TRHDE: variants seen among roughly 807,000 people sequenced by gnomAD.
TRHDE encodes the protein thyrotropin-releasing hormone-degrading ectoenzyme.
A neutral mutation model predicts 125.7 loss-of-function variants in TRHDE; 72 were observed. That is an observed-to-expected ratio of 0.57 (90% CI 0.47 to 0.70). The LOEUF (loss-of-function observed/expected upper bound fraction) is 0.70. TRHDE is among the 30% of genes least tolerant of loss of function. TRHDE has a pLI of 0.00. For missense variants in TRHDE, 1,110 were observed against 1,327.1 expected, an observed-to-expected ratio of 0.84 and a Z score of 2.54; for synonymous variants, 509 against 509.1, an observed-to-expected ratio of 1.00 and a Z score of 0.00.
chr12:72,603,263 C>A (rs1872280318), intron 12 of TRHDE, among the ~76,000 whole-genome samples: 1 of 151,986 alleles, frequency 6.6e-6, no homozygotes. Context: ...AGATAGTTGA[C>A]ATAAATGAAA....
At chr12:72,190,715 A>G (rs1877320432) in intron 2 of TRHDE, among the ~76,000 whole-genome samples, 1 of 152,222 alleles carries the variant, frequency 6.6e-6, no homozygotes, top group Non-Finnish European at 1.5e-5. Flanking sequence ...TATAGATGCC[A>G]TTATATCTTT....
intron 3 of TRHDE, among the ~76,000 whole-genome samples, chr12:72,398,346 C>A (rs1872893277): frequency 6.6e-6 from 1 of 152,114 alleles, no homozygotes; most frequent in Non-Finnish European, 1.5e-5. Context: ...TGGGTATATA[C>A]CCAGTAATGG....
chr12:72,500,671 T>C (rs572361487), intron 6 of TRHDE, among the ~76,000 whole-genome samples: 7 of 151,990 alleles, frequency 4.6e-5, no homozygotes, highest in Non-Finnish European at 4.4e-5. Flanking sequence ...GGATTACAGG[T>C]TTGAGCCATG....
chr12:72,444,320 G>A (rs922221701), intron 3 of TRHDE, among the ~76,000 whole-genome samples: 2 of 151,858 alleles, frequency 1.3e-5, no homozygotes, highest in Non-Finnish European at 2.9e-5. Flanking sequence ...CACTGTAAAA[G>A]TCTGTCTTTC....
At chr12:72,598,904 C>T (rs960018674) in intron 12 of TRHDE, among the ~76,000 whole-genome samples, 2 of 151,984 alleles carry the variant, frequency 1.3e-5, no homozygotes, top group Admixed American at 1.3e-4. Context: ...CTCTAATAGT[C>T]CCAAGTATCC....
intron 2 of TRHDE, among the ~76,000 whole-genome samples, chr12:72,330,342 A>T (rs113963577): frequency 6.6e-6 from 1 of 151,952 alleles, no homozygotes; most frequent in African/African-American, 2.4e-5. Context: ...AAAAAAAAAA[A>T]ACCAAAACCA....
intron 7 of TRHDE, among the ~76,000 whole-genome samples, chr12:72,548,049 A>G (rs1592528327): frequency 6.6e-6 from 1 of 151,822 alleles, no homozygotes; most frequent in Non-Finnish European, 1.5e-5. Context: ...TGGTTTTGTC[A>G]TTAAAATGTT....
intron 6 of TRHDE, among the ~76,000 whole-genome samples, chr12:72,534,562 C>T (rs1265241024): frequency 6.6e-6 from 1 of 151,906 alleles, no homozygotes; most frequent in Non-Finnish European, 1.5e-5. Context: ...TTTTGGGGGG[C>T]AGGGAGCTAG....
chr12:72,413,845 G>A (rs1271665765), intron 3 of TRHDE, among the ~76,000 whole-genome samples: 1 of 151,990 alleles, frequency 6.6e-6, no homozygotes, highest in Non-Finnish European at 1.5e-5. Flanking sequence ...TCCCAGCAAC[G>A]TAGCTATGCC....
intron 2 of TRHDE, among the ~76,000 whole-genome samples, chr12:72,117,675 A>G (rs1875479495): frequency 6.6e-6 from 1 of 152,046 alleles, no homozygotes; most frequent in African/African-American, 2.4e-5. Context: ...GATAATATGG[A>G]CATTTTAATA....
intron 3 of TRHDE, among the ~76,000 whole-genome samples, chr12:72,468,430 A>G (rs933881669): frequency 2.0e-5 from 3 of 152,210 alleles, no homozygotes; most frequent in Admixed American, 1.3e-4. Flanking sequence ...TTTCACCTGT[A>G]CAAACAATAC....
chr12:72,598,071 A>G (rs939522816), intron 12 of TRHDE, among the ~76,000 whole-genome samples: 2 of 152,030 alleles, frequency 1.3e-5, no homozygotes, highest in African/African-American at 4.8e-5. Flanking sequence ...ATTATGTAAC[A>G]TACCTAAAAA....
intron 3 of TRHDE, among the ~76,000 whole-genome samples, chr12:72,426,848 A>T (rs1458033642): frequency 1.3e-5 from 2 of 152,020 alleles, no homozygotes; most frequent in Non-Finnish European, 2.9e-5. Flanking sequence ...CTAATACTCC[A>T]TTTGTTGTTT....
intron 1 of TRHDE, among the ~76,000 whole-genome samples, chr12:72,281,838 T>C (rs1879708536): frequency 6.6e-6 from 1 of 152,198 alleles, no homozygotes. Flanking sequence ...CATAATGACT[T>C]GATACAAGTA....
At position 72,408,168 on chromosome 12, in the gene TRHDE, C is replaced by A. The variant is rs183057112; in HGVS notation, c.1315+30047C>A. Among the ~76,000 whole-genome samples the A allele has an allele frequency of 3.7e-3, 565 of 152,290 alleles. 2 individuals are homozygous for A. The highest frequency in any genetic ancestry group is 0.012 in the African/African-American group (509 of 41,564). The stretch of plus-strand genomic sequence containing the variant: ...TGCATGATACTAGAGTAACCACTCT[C>A]AGACAAGCACTCTCTAATAGTGACA... On this transcript the variant is annotated intron_variant, in intron 3 of 18. Coordinates refer to ENST00000261180, the MANE Select transcript of TRHDE (RefSeq NM_013381.3).
intron 12 of TRHDE, among the ~76,000 whole-genome samples, chr12:72,603,226 T>C (rs562279278): frequency 1.3e-5 from 2 of 152,270 alleles, no homozygotes; most frequent in Admixed American, 1.3e-4. Flanking sequence ...GGAGAAATCA[T>C]TGTCAGGCAA....
At chr12:72,123,885 G>C (rs1365898882) in intron 2 of TRHDE, among the ~76,000 whole-genome samples, 1 of 151,860 alleles carries the variant, frequency 6.6e-6, no homozygotes, top group Non-Finnish European at 1.5e-5. Context: ...TGTATTTTCT[G>C]GTATTTTATA....
chr12:72,312,006 G>C (rs1868566924), intron 2 of TRHDE, among the ~76,000 whole-genome samples: 1 of 152,156 alleles, frequency 6.6e-6, no homozygotes, highest in Non-Finnish European at 1.5e-5. Context: ...GAAGCAAAGT[G>C]AACAAACACT....
intron 15 of TRHDE, among the ~76,000 whole-genome samples, chr12:72,626,354 G>A (rs755089056): frequency 4.0e-5 from 6 of 151,882 alleles, no homozygotes; most frequent in Non-Finnish European, 7.4e-5. Flanking sequence ...TAAAACACTA[G>A]TGTTCTTCAG....
Sources: allele counts gnomAD v4.1 joint callset (sites outside exome capture counted in the v4.1 genomes callset), GRCh38; gene constraint gnomAD v4.1.1; transcripts MANE v1.5; gene names NCBI Gene and HGNC (gene_info 2026-07-23, HGNC 2026-07-21).